TENM2: variants seen among roughly 807,000 people sequenced by gnomAD.
The protein encoded by TENM2 is teneurin transmembrane protein 2, also known as teneurin-2.
TENM2 carries 52 observed loss-of-function variants against 245.2 expected under a neutral mutation model. That is an observed-to-expected ratio of 0.21 (90% CI 0.17 to 0.27). TENM2 has a LOEUF of 0.27. Among genes scored for constraint, TENM2 ranks in the 10% least tolerant of loss-of-function variants. The probability of loss-of-function intolerance (pLI) is 1.00; values close to 1 mark genes in which losing one functional copy is unlikely to be tolerated. For missense variants in TENM2, 3,046 were observed against 3,666.8 expected (o/e 0.83, Z 4.37); for synonymous variants, 1,363 against 1,438.9 (o/e 0.95, Z 1.19).
At chr5:167,107,709 G>T in the TENM2 span, among the ~76,000 whole-genome samples, 1 of 152,166 alleles carries the variant, frequency 6.6e-6, no homozygotes, top group Non-Finnish European at 1.5e-5. Flanking sequence ...ACATCTGGAG[G>T]AATAGATATT....
intron 1 of TENM2, among the ~76,000 whole-genome samples, chr5:167,330,551 C>A (rs1337402697): frequency 6.6e-6 from 1 of 152,010 alleles, no homozygotes. Flanking sequence ...CCTGTCATAA[C>A]ACAGCTTCAA....
intron 2 of TENM2, among the ~76,000 whole-genome samples, chr5:167,699,223 A>G (rs1757985785): frequency 6.6e-6 from 1 of 152,040 alleles, no homozygotes; most frequent in South Asian, 2.1e-4. Context: ...TTAAAATTAA[A>G]ATTTGGAAGG....
At chr5:167,998,435 C>T (rs986853580) in intron 5 of TENM2, among the ~76,000 whole-genome samples, 2 of 152,172 alleles carry the variant, frequency 1.3e-5, no homozygotes, top group African/African-American at 4.8e-5. Flanking sequence ...AGATGCTTCT[C>T]ATGTGTGACT....
chr5:167,609,885 C>T (rs1317436369), intron 2 of TENM2, among the ~76,000 whole-genome samples: 1 of 152,096 alleles, frequency 6.6e-6, no homozygotes, highest in Admixed American at 6.5e-5. Context: ...GCTGGGAGTT[C>T]TATAATTCAA....
intron 1 of TENM2, among the ~76,000 whole-genome samples, chr5:167,317,882 A>G (rs1167673463): frequency 1.3e-5 from 2 of 152,180 alleles, no homozygotes. Flanking sequence ...CACAGCTTGA[A>G]TAAATAAATG....
chr5:168,240,207 G>A (rs79033334), intron 25 of TENM2, among the ~76,000 whole-genome samples: 5 of 152,196 alleles, frequency 3.3e-5, no homozygotes, highest in Non-Finnish European at 5.9e-5. Context: ...ATGACAGAGC[G>A]AGACTCTGTC....
At chr5:167,130,950 G>T in the TENM2 span, among the ~76,000 whole-genome samples, 3 of 130,776 alleles carry the variant, frequency 2.3e-5, no homozygotes, top group East Asian at 4.5e-4. Flanking sequence ...GGTGGAATAG[G>T]TTAGCCTGTG....
At chr5:167,682,265 C>T (rs929183713) in intron 2 of TENM2, among the ~76,000 whole-genome samples, 14 of 151,934 alleles carry the variant, frequency 9.2e-5, no homozygotes, top group East Asian at 1.9e-4. Flanking sequence ...CAGGTTCAAG[C>T]GATTCTTGTG....
the TENM2 span, among the ~76,000 whole-genome samples, chr5:167,242,019 T>A: frequency 6.6e-6 from 1 of 151,756 alleles, no homozygotes; most frequent in Non-Finnish European, 1.5e-5. Context: ...TTGTTTAGGT[T>A]TTCTTTGTTT....
At chr5:168,212,166 C>T (rs1273902410) in intron 20 of TENM2, among the ~76,000 whole-genome samples, 1 of 149,740 alleles carries the variant, frequency 6.7e-6, no homozygotes, top group Non-Finnish European at 1.5e-5. Flanking sequence ...GATTTTTTCC[C>T]CTGGATATAT....
chr5:167,272,768 C>T, the TENM2 span, among the ~76,000 whole-genome samples: 2 of 152,152 alleles, frequency 1.3e-5, no homozygotes, highest in East Asian at 3.8e-4. Context: ...CCTAAAGGTG[C>T]ACAGTCATTT....
At chr5:168,042,297 T>C (rs1788258274) in intron 5 of TENM2, among the ~76,000 whole-genome samples, 1 of 152,090 alleles carries the variant, frequency 6.6e-6, no homozygotes, top group Non-Finnish European at 1.5e-5. Flanking sequence ...TATCGACAAG[T>C]CTGATCTTTA....
intron 1 of TENM2, among the ~76,000 whole-genome samples, chr5:167,361,404 CTATG>C (rs1254986176): frequency 6.6e-6 from 1 of 152,134 alleles, no homozygotes; most frequent in African/African-American, 2.4e-5. Flanking sequence ...TATCTCTTTG[CTATG>C]TATGTGTCTA....
the TENM2 span, among the ~76,000 whole-genome samples, chr5:167,183,534 TA>T: frequency 6.6e-6 from 1 of 152,194 alleles, no homozygotes; most frequent in Non-Finnish European, 1.5e-5. Context: ...ATCAGGCCAG[TA>T]AACATTTGTT....
chr5:166,987,985 C>A, the TENM2 span, among the ~76,000 whole-genome samples: 1 of 152,130 alleles, frequency 6.6e-6, no homozygotes, highest in Admixed American at 6.5e-5. Flanking sequence ...CTTATTCACA[C>A]TCTTAGATTC....
chr5:167,101,945 T>A, the TENM2 span, among the ~76,000 whole-genome samples: 8 of 139,510 alleles, frequency 5.7e-5, no homozygotes, highest in African/African-American at 2.1e-4. Context: ...TATATTTTTT[T>A]TTTTTTTTGG....
chr5:167,895,966 T>A (rs1009048364), intron 3 of TENM2, among the ~76,000 whole-genome samples: 1 of 152,256 alleles, frequency 6.6e-6, no homozygotes, highest in African/African-American at 2.4e-5. Context: ...AAATCTGAGA[T>A]AACTAAGACC....
the TENM2 span, among the ~76,000 whole-genome samples, chr5:167,208,823 C>A: frequency 1.3e-5 from 2 of 152,204 alleles, no homozygotes; most frequent in African/African-American, 4.8e-5. Context: ...TGACATCAGA[C>A]CATGCCAACA....
chr5:167,778,268 G>T (rs949242858), intron 2 of TENM2, among the ~76,000 whole-genome samples: 1 of 152,140 alleles, frequency 6.6e-6, no homozygotes, highest in Non-Finnish European at 1.5e-5. Context: ...ACCAACAAGA[G>T]CCATTTATGT....
Sources: gnomAD v4.1 joint callset for allele counts (sites outside exome capture counted in the v4.1 genomes callset) on GRCh38, gnomAD v4.1.1 for gene constraint, MANE v1.5 for transcripts, NCBI Gene and HGNC (gene_info 2026-07-23, HGNC 2026-07-21) for gene names.